AXIN1: variants seen among roughly 807,000 people sequenced by gnomAD.
AXIN1 encodes axin-1.
A neutral mutation model predicts 76.4 loss-of-function variants in AXIN1; 30 were observed. The observed-to-expected ratio is 0.39, with a 90% CI of 0.29 to 0.53. The LOEUF is 0.53. Among genes scored for constraint, AXIN1 ranks in the 20% least tolerant of loss-of-function variants. The pLI is 0.66. For missense variants in AXIN1, 1,140 were observed against 1,198.8 expected (o/e 0.95, Z 0.72); for synonymous variants, 545 against 501.4 (o/e 1.09, Z -1.16).
At chr16:313,054 C>G (rs991973830) in intron 3 of AXIN1, among the ~76,000 whole-genome samples, 3 of 152,106 alleles carry the variant, frequency 2.0e-5, no homozygotes, top group African/African-American at 7.2e-5. Context: ...GGCTCATGCC[C>G]GTAATCCCAG....
At position 343,798 on chromosome 16, in the gene AXIN1, G is replaced by A. The variant is rs752279797; in HGVS notation, c.878+2350C>T. 4.0e-5 allele frequency among the ~76,000 whole-genome samples: 6 copies of A among 151,468 alleles called. No individual in the cohort carries two copies. The East Asian group carries it at 5.8e-4, about 15-fold the overall frequency. ...GGAGGCTGAGATCACTGGAGTCCAG[G>A]AGCTCGAGACCATCCTGGCCAACGT... On this transcript the variant is annotated intron_variant, in intron 2 of 10. Transcript: ENST00000262320.
chr16:326,863 G>A (rs148461789), intron 2 of AXIN1, among the ~76,000 whole-genome samples: 196 of 152,074 alleles, frequency 1.3e-3, no homozygotes, highest in Non-Finnish European at 2.2e-3. Flanking sequence ...AGCACTGGCC[G>A]GGTGTGGTGG....
intron 2 of AXIN1, among the ~76,000 whole-genome samples, chr16:316,610 T>C (rs543352951): frequency 3.3e-5 from 5 of 152,338 alleles, no homozygotes; most frequent in South Asian, 2.1e-4. Flanking sequence ...GCGGTAAGAC[T>C]GCGAGAGAAA....
chr16:307,753 C>T (rs1239653648), intron 4 of AXIN1, among the ~76,000 whole-genome samples: 1 of 152,228 alleles, frequency 6.6e-6, no homozygotes, highest in African/African-American at 2.4e-5. Flanking sequence ...AGAGAAACGG[C>T]ATAGCTTTTG....
intron 5 of AXIN1, among the ~76,000 whole-genome samples, chr16:303,718 C>G (rs1378490327): frequency 6.6e-6 from 1 of 152,158 alleles, no homozygotes; most frequent in East Asian, 1.9e-4. Context: ...TAAACTCTGT[C>G]CTTCTCACCC....
intron 2 of AXIN1, among the ~76,000 whole-genome samples, chr16:333,373 C>G (rs1388560176): frequency 2.0e-5 from 3 of 151,356 alleles, no homozygotes; most frequent in Non-Finnish European, 2.9e-5. Flanking sequence ...GCCTATAGTC[C>G]CAGCTACTCT....
At chr16:332,332 C>G (rs573818648) in intron 2 of AXIN1, among the ~76,000 whole-genome samples, 4 of 152,076 alleles carry the variant, frequency 2.6e-5, no homozygotes, top group Admixed American at 1.3e-4. Context: ...AATCCCAGCA[C>G]TTTGGGAGGC....
chr16:291,134 T>G, intron 9 of AXIN1, 56 bp downstream of exon 9: 2 of 1,506,636 alleles, frequency 1.3e-6, no homozygotes, highest in Non-Finnish European at 1.8e-6. Flanking sequence ...GGGACCTGGC[T>G]TGGGACGCCA....
chr16:302,433 G>A (rs1291761456), intron 5 of AXIN1, among the ~76,000 whole-genome samples: 1 of 152,258 alleles, frequency 6.6e-6, no homozygotes, highest in Non-Finnish European at 1.5e-5. Context: ...ATCGACGTCT[G>A]TGTGTGAGAC....
chr16:306,157 CCA>C (rs369132561), intron 4 of AXIN1, among the ~76,000 whole-genome samples: 239 of 152,046 alleles, frequency 1.6e-3, no homozygotes, highest in African/African-American at 5.4e-3. Context: ...GCACACACAC[CCA>C]CACACACGTA....
chr16:291,367 A>C, intron 8 of AXIN1, 70 bp from the exon 9 acceptor site: 3 of 1,306,154 alleles, frequency 2.3e-6, no homozygotes, highest in African/African-American at 1.5e-5. Flanking sequence ...GCCTCGACCA[A>C]TGCTGCTGCG....
At chr16:309,884 C>T (rs2053128158) in intron 4 of AXIN1, 89 bp downstream of exon 4, 1 of 1,335,350 alleles carries the variant, frequency 7.5e-7, no homozygotes, top group South Asian at 1.2e-5. Context: ...CGTGGGAGGC[C>T]AGGCAAGTGC....
intron 1 of AXIN1, among the ~76,000 whole-genome samples, chr16:349,549 G>C (rs1268822025): frequency 1.3e-5 from 2 of 152,152 alleles, no homozygotes; most frequent in Non-Finnish European, 2.9e-5. Flanking sequence ...GCTCAGAAGG[G>C]AGGCTAACCA....
At chr16:290,346 T>G (rs2052520716) in intron 9 of AXIN1, 1 of 156,130 alleles carries the variant, frequency 6.4e-6, no homozygotes, top group Non-Finnish European at 1.4e-5. Flanking sequence ...CATGGCCACC[T>G]GAGCCATGTG....
At chr16:343,055 C>T (rs1263814439) in intron 2 of AXIN1, among the ~76,000 whole-genome samples, 1 of 152,158 alleles carries the variant, frequency 6.6e-6, no homozygotes, top group Non-Finnish European at 1.5e-5. Flanking sequence ...ATCTTCAAGC[C>T]ACAAGGCTGC....
chr16:289,124 T>G (rs1002223058), intron 10 of AXIN1, among the ~76,000 whole-genome samples: 7 of 151,874 alleles, frequency 4.6e-5, no homozygotes, highest in Admixed American at 6.6e-5. Flanking sequence ...AGTCTCGCTC[T>G]GTCACCCAGG....
chr16:303,895 C>G (rs1400042961), intron 5 of AXIN1, among the ~76,000 whole-genome samples: 1 of 152,196 alleles, frequency 6.6e-6, no homozygotes. Flanking sequence ...GCATCGCAGC[C>G]CCCGACTGCA....
chr16:304,279 C>A (rs769267779), intron 5 of AXIN1, 25 bp downstream of exon 5: 4 of 1,608,474 alleles, frequency 2.5e-6, no homozygotes, highest in Non-Finnish European at 2.5e-6. Context: ...CGACGCGGAG[C>A]GCGACACCGA....
Position 319,800 on chromosome 16 carries a change from T to C in AXIN1, c.879-5117A>G, listed in dbSNP as rs144907483. On this transcript the variant is annotated intron_variant, in intron 2 of 10. Coordinates refer to ENST00000262320, the MANE Select transcript of AXIN1 (RefSeq NM_003502.4). ...CTACTTGTGTAAGCAGCCTGCCTTT[T>C]AAAAAGGTAGCATAACAATTTTTCC... Among the ~76,000 whole-genome samples, 17 of 152,326 alleles carry C rather than the reference T, an allele frequency of 1.1e-4. No homozygotes were observed. In the East Asian group the frequency reaches 2.7e-3, roughly 24 times the overall value.
Sources: allele counts gnomAD v4.1 joint callset (sites outside exome capture counted in the v4.1 genomes callset), GRCh38; gene constraint gnomAD v4.1.1; transcripts MANE v1.5; gene names NCBI Gene and HGNC (gene_info 2026-07-23, HGNC 2026-07-21).